MOB3B: variants seen among roughly 807,000 people sequenced by gnomAD.
MOB3B encodes the protein MOB kinase activator-like 2B.
A neutral mutation model predicts 18.7 loss-of-function variants in MOB3B; 7 were observed. The observed-to-expected ratio is 0.37, with a 90% confidence interval of 0.21 to 0.70. The LOEUF is 0.70. MOB3B is among the 30% of genes least tolerant of loss of function. The probability of loss-of-function intolerance (pLI) is 0.52; values close to 1 mark genes in which losing one functional copy is unlikely to be tolerated. For missense variants in MOB3B, 253 were observed against 281.3 expected (o/e 0.90, Z 0.72); for synonymous variants, 111 against 99.9 (o/e 1.11, Z -0.66).
chr9:27,375,933 T>C (rs1416308229), intron 2 of MOB3B, among the ~76,000 whole-genome samples: 1 of 152,230 alleles, frequency 6.6e-6, no homozygotes, highest in Non-Finnish European at 1.5e-5. Context: ...CCTACACAAA[T>C]TCTTTTGGTC....
chr9:27,347,408 T>A (rs2131345086), intron 3 of MOB3B, among the ~76,000 whole-genome samples: 1 of 152,368 alleles, frequency 6.6e-6, no homozygotes, highest in Non-Finnish European at 1.5e-5. Flanking sequence ...TATCACTGTA[T>A]CCTCAGCACC....
chr9:27,450,886 C>T (rs571910964), intron 2 of MOB3B, among the ~76,000 whole-genome samples: 2 of 152,288 alleles, frequency 1.3e-5, no homozygotes, highest in African/African-American at 4.8e-5. Flanking sequence ...CAGTAGCAGG[C>T]ACAGGGCTTG....
In MOB3B at chr9:27,455,595, A is replaced by C; in HGVS notation, c.-45T>G. ...TTTCTTTTGCAGGAAGCGAAAAGGC[A>C]CCTGGAACTTTTCAGGGAGAGATCA... On this transcript the variant is annotated 5_prime_UTR_variant, in exon 2 of 4. Transcript: ENST00000262244. The C allele has an allele frequency of 6.2e-7, 1 of 1,611,540 alleles. No individual in the cohort carries two copies. Among genetic ancestry groups the C allele is most frequent in the Non-Finnish European group, 8.5e-7 (1 of 1,179,502 alleles).
At chr9:27,525,585 C>T (rs957845954) in intron 1 of MOB3B, among the ~76,000 whole-genome samples, 6 of 152,116 alleles carry the variant, frequency 3.9e-5, no homozygotes, top group Non-Finnish European at 5.9e-5. Context: ...TTGAATTAGA[C>T]GACCATTAAG....
chr9:27,513,919 GGATGGAT>G (rs11279544), intron 1 of MOB3B, among the ~76,000 whole-genome samples: 450 of 1,288 alleles, frequency 0.35, 8 homozygotes, highest in Non-Finnish European at 0.16. Flanking sequence ...ATGGATGGAT[GGATGGAT>G]GGTGGGTGGG....
Position 27,355,089 on chromosome 9 carries a change from C to T in MOB3B, c.621+3945G>A, listed in dbSNP as rs115150617. Among the ~76,000 whole-genome samples, 1,111 of 152,290 alleles carry T rather than the reference C, an allele frequency of 7.3e-3. 14 individuals are homozygous for T. Among genetic ancestry groups the T allele is most frequent in the African/African-American group, 0.025 (1,056 of 41,558 alleles). ...AAATGCAGGGTCCAGGGTTGGAACCCACAGAGTCTAAGACTTTTCTTAGGC... is the reference window on the plus strand; with the variant it reads ...AAATGCAGGGTCCAGGGTTGGAACCTACAGAGTCTAAGACTTTTCTTAGGC... On this transcript the variant is annotated intron_variant, in intron 3 of 3. Coordinates refer to ENST00000262244, the MANE Select transcript of MOB3B (RefSeq NM_024761.5).
chr9:27,408,087 T>C (rs1054434243), intron 2 of MOB3B, among the ~76,000 whole-genome samples: 1 of 152,062 alleles, frequency 6.6e-6, no homozygotes, highest in African/African-American at 2.4e-5. Flanking sequence ...CTCCTCCTAA[T>C]CTCTGGCCGA....
chr9:27,468,294 C>T lies in MOB3B; in HGVS notation c.-198-12546G>A, dbSNP rs567267112. ...GTGCTTCTGAATCCTCCACAATTGA[C>T]AGTGAGCTTTAGGCCTGACAGTCCC... On this transcript the variant is annotated intron_variant, in intron 1 of 3. Transcript: ENST00000262244. 1.1e-3 allele frequency among the ~76,000 whole-genome samples: 164 copies of T among 152,296 alleles called. 1 individual carries two copies. The highest frequency in any genetic ancestry group is 3.8e-3 in the African/African-American group (158 of 41,568).
intron 2 of MOB3B, among the ~76,000 whole-genome samples, chr9:27,427,965 C>T (rs1049545656): frequency 1.3e-5 from 2 of 152,120 alleles, no homozygotes; most frequent in East Asian, 3.9e-4. Flanking sequence ...AGCCTGAACC[C>T]AACCCAATAC....
At chr9:27,405,093 CTTTTTTTTTTTT>C (rs74178386) in intron 2 of MOB3B, among the ~76,000 whole-genome samples, 2 of 48,370 alleles carry the variant, frequency 4.1e-5, no homozygotes, top group African/African-American at 1.8e-4. Context: ...GAACCTTTGT[CTTTTTTTTTTTT>C]TTTTTTTTTT....
chr9:27,455,887 C>T, intron 1 of MOB3B, 139 bp from the exon 2 acceptor site: 3 of 765,746 alleles, frequency 3.9e-6, no homozygotes, highest in Non-Finnish European at 5.4e-6. Context: ...GGTTAAGCCA[C>T]TGCCCTGTGA....
intron 2 of MOB3B, among the ~76,000 whole-genome samples, chr9:27,398,136 T>A (rs769716612): frequency 6.6e-6 from 1 of 152,192 alleles, no homozygotes; most frequent in East Asian, 1.9e-4. Context: ...TCACACAGCA[T>A]CCCGGGGAGG....
At chr9:27,452,704 C>T (rs1822808425) in intron 2 of MOB3B, among the ~76,000 whole-genome samples, 1 of 152,070 alleles carries the variant, frequency 6.6e-6, no homozygotes, top group African/African-American at 2.4e-5. Flanking sequence ...ATAAGGAAAT[C>T]CTGTCATTTG....
intron 1 of MOB3B, among the ~76,000 whole-genome samples, chr9:27,525,224 C>T (rs1820418006): frequency 6.6e-6 from 1 of 152,140 alleles, no homozygotes; most frequent in East Asian, 1.9e-4. Context: ...TTCTCTCTTG[C>T]TCTTTTCTGT....
intron 1 of MOB3B, among the ~76,000 whole-genome samples, chr9:27,506,639 C>T (rs1820064210): frequency 6.6e-6 from 1 of 151,684 alleles, no homozygotes; most frequent in Admixed American, 6.6e-5. Flanking sequence ...TTAAGCAATT[C>T]TCTGCCTCAG....
intron 1 of MOB3B, among the ~76,000 whole-genome samples, chr9:27,459,945 T>A (rs1309098860): frequency 6.6e-6 from 1 of 151,834 alleles, no homozygotes; most frequent in African/African-American, 2.4e-5. Flanking sequence ...AAATTCTATG[T>A]CATGAACTGC....
chr9:27,390,508 C>T (rs889551846), intron 2 of MOB3B, among the ~76,000 whole-genome samples: 1 of 152,128 alleles, frequency 6.6e-6, no homozygotes, highest in African/African-American at 2.4e-5. Flanking sequence ...GGCCAAGTTG[C>T]TAATATTATT....
intron 3 of MOB3B, among the ~76,000 whole-genome samples, chr9:27,346,611 G>A (rs1821033812): frequency 6.6e-6 from 1 of 152,102 alleles, no homozygotes; most frequent in African/African-American, 2.4e-5. Context: ...AATATATATA[G>A]TTATTACAGG....
At chr9:27,502,774 C>G (rs1417376201) in intron 1 of MOB3B, among the ~76,000 whole-genome samples, 1 of 152,184 alleles carries the variant, frequency 6.6e-6, no homozygotes, top group Non-Finnish European at 1.5e-5. Flanking sequence ...ACCAGGATGC[C>G]CAAACTAAAT....
Sources: allele counts gnomAD v4.1 joint callset (sites outside exome capture counted in the v4.1 genomes callset), GRCh38; gene constraint gnomAD v4.1.1; transcripts MANE v1.5; gene names NCBI Gene and HGNC (gene_info 2026-07-23, HGNC 2026-07-21).